The following OSER1 variants were observed in gnomAD, a reference collection of about 807,000 sequenced individuals.
OSER1 encodes the protein oxidative stress-responsive serine-rich protein 1.
A neutral mutation model predicts 26.3 loss-of-function variants in OSER1; 15 were observed. The ratio of observed to expected loss-of-function variants is 0.57; its 90% CI spans 0.38 to 0.88. The LOEUF (loss-of-function observed/expected upper bound fraction) is 0.88, where lower values mean the gene tolerates loss of function less well. Ranked by LOEUF, OSER1 falls within the 40% of genes least tolerant of loss-of-function variation. OSER1 has a pLI of 0.00. For missense variants in OSER1, 313 were observed against 353.9 expected (o/e 0.88, Z 0.93); for synonymous variants, 127 against 128.2 (o/e 0.99, Z 0.07).
intron 2 of OSER1, among the ~76,000 whole-genome samples, chr20:44,205,098 G>A (rs775595923): frequency 1.2e-4 from 19 of 152,162 alleles, no homozygotes; most frequent in Non-Finnish European, 2.4e-4. Context: ...GCCTCCCAAA[G>A]TGCTGGAATT....
At chr20:44,204,999 A>AGCACCACCAT (rs1311618187) in intron 2 of OSER1, among the ~76,000 whole-genome samples, 1 of 151,986 alleles carries the variant, frequency 6.6e-6, no homozygotes, top group African/African-American at 2.4e-5. Flanking sequence ...CACCATGCCT[A>AGCACCACCAT]GCTAATTCTT....
intron 1 of OSER1, among the ~76,000 whole-genome samples, chr20:44,210,324 G>A (rs909437223): frequency 6.6e-6 from 1 of 152,214 alleles, no homozygotes; most frequent in African/African-American, 2.4e-5. Context: ...GAGTGGGGCC[G>A]AAGAGGTAGC....
At chr20:44,208,644 A>G (rs2073064405) in intron 1 of OSER1, among the ~76,000 whole-genome samples, 1 of 152,154 alleles carries the variant, frequency 6.6e-6, no homozygotes, top group African/African-American at 2.4e-5. Flanking sequence ...GGGAGAGGTG[A>G]GCAATCACTT....
intron 3 of OSER1, among the ~76,000 whole-genome samples, chr20:44,199,546 A>G (rs2145922125): frequency 6.6e-6 from 1 of 152,250 alleles, no homozygotes; most frequent in South Asian, 2.1e-4. Flanking sequence ...AGCTTTCTTT[A>G]AGTAAAAAGG....
chr20:44,210,935 T>G (rs2073100597), upstream of OSER1: 1 of 151,794 alleles, frequency 6.6e-6, no homozygotes, highest in African/African-American at 2.4e-5. Context: ...CGGCCGCGCC[T>G]CTCCAACGCC....
At chr20:44,202,360 G>A (rs1450726330) in intron 3 of OSER1, among the ~76,000 whole-genome samples, 2 of 151,708 alleles carry the variant, frequency 1.3e-5, no homozygotes, top group South Asian at 2.1e-4. Flanking sequence ...GTGTGACAGA[G>A]CAAGAACAAG....
chr20:44,209,822 T>C (rs979261654), intron 1 of OSER1, among the ~76,000 whole-genome samples: 3 of 152,156 alleles, frequency 2.0e-5, no homozygotes, highest in East Asian at 1.9e-4. Context: ...TCCAGGCCCC[T>C]GAGAAGACCT....
chr20:44,196,887 T>G lies in OSER1; in HGVS notation c.*165A>C. The G allele has an allele frequency of 1.7e-6, 1 of 588,718 alleles. No individual in the cohort carries two copies. The highest frequency in any genetic ancestry group is 1.9e-5 in the African/African-American group (1 of 53,836). The allele number at this position is 588,718 out of a possible 1,614,324, so 36.5% of individuals were successfully genotyped here. On this transcript the variant is annotated 3_prime_UTR_variant, in exon 4 of 4. Transcript: ENST00000255174. ...GTATGTAAGAACTCAAGAGAGTAAG[T>G]TGAAAGAATGAAGATTAACTGAGAT...
intron 3 of OSER1, among the ~76,000 whole-genome samples, chr20:44,201,411 T>G (rs1029109019): frequency 1.3e-5 from 2 of 152,196 alleles, no homozygotes; most frequent in African/African-American, 4.8e-5. Context: ...TCGGGGGCCC[T>G]TTCAAATGTA....
intron 3 of OSER1, among the ~76,000 whole-genome samples, chr20:44,201,602 T>A (rs959829078): frequency 6.6e-6 from 1 of 152,144 alleles, no homozygotes; most frequent in Non-Finnish European, 1.5e-5. Flanking sequence ...TAAATAATAA[T>A]AAAACCTAGT....
At chr20:44,210,966 A>C (rs909794961), upstream of OSER1, 2 of 152,250 alleles carry the variant, frequency 1.3e-5, no homozygotes, top group Non-Finnish European at 2.9e-5. Flanking sequence ...CCCCCTCAGA[A>C]GCACGTGCGC....
chr20:44,203,099 G>T (rs749996517), intron 2 of OSER1, 25 bp from the exon 3 acceptor site: 1 of 1,287,588 alleles, frequency 7.8e-7, no homozygotes, highest in Non-Finnish European at 1.1e-6. Context: ...AAAGTTTACA[G>T]CTACAAAAAA....
In OSER1 at chr20:44,197,216, G is replaced by C; in HGVS notation, c.715C>G (p.Gln239Glu). 6.2e-7 allele frequency: 1 copy of C among 1,614,238 alleles called. No individual in the cohort carries two copies. The highest frequency in any genetic ancestry group is 1.3e-5 in the African/African-American group (1 of 75,070). ...ERRSTLEDYS[Q>E]SLHARTLSGS... The stretch of plus-strand genomic sequence containing the variant: ...GACAGAGTTCTGGCGTGCAGCGACT[G>C]AGAGTAGTCCTCAAGTGTGGATCTT... Residue 239 changes from glutamine (Q) to glutamate (E), a missense_variant, in exon 4 of 4, where the codon CAG becomes GAG. Coordinates refer to ENST00000255174, the MANE Select transcript of OSER1 (RefSeq NM_016470.8).
At chr20:44,204,808 TA>T (rs912552584) in intron 2 of OSER1, among the ~76,000 whole-genome samples, 53 of 152,278 alleles carry the variant, frequency 3.5e-4, no homozygotes, top group African/African-American at 1.0e-3. Flanking sequence ...ATGTTCCAAG[TA>T]ATTTTTAGGG....
At chr20:44,210,858 G>C (rs1486075538), upstream of OSER1, 2 of 152,096 alleles carry the variant, frequency 1.3e-5, no homozygotes, top group African/African-American at 2.4e-5. Flanking sequence ...CCCTCCCCCT[G>C]CTTATGCTCC....
rs181274676 is a variant in OSER1, at chr20:44,198,436, G to A, written c.192-697C>T. Reference sequence around the variant, plus strand: ...AGATTGAGACCATCCTGGCTAAAGCGGTGAAACCCCGTCTCTACTAAAAAT... The same window carrying A: ...AGATTGAGACCATCCTGGCTAAAGCAGTGAAACCCCGTCTCTACTAAAAAT... On this transcript the variant is annotated intron_variant, in intron 3 of 3. Coordinates refer to ENST00000255174, the MANE Select transcript of OSER1 (RefSeq NM_016470.8). 8.3e-3 allele frequency among the ~76,000 whole-genome samples: 1,256 copies of A among 152,128 alleles called. 21 individuals carry two copies. The highest frequency in any genetic ancestry group is 0.026 in the African/African-American group (1,098 of 41,502).
At chr20:44,211,804 C>G (rs559525293), upstream of OSER1, among the ~76,000 whole-genome samples, 9 of 152,352 alleles carry the variant, frequency 5.9e-5, no homozygotes, top group Admixed American at 5.2e-4. Context: ...AGCTCCACGT[C>G]TGCACTGCTC....
chr20:44,199,342 G>T (rs149234152), intron 3 of OSER1, among the ~76,000 whole-genome samples: 2 of 152,220 alleles, frequency 1.3e-5, no homozygotes, highest in South Asian at 2.1e-4. Flanking sequence ...TATAAAAGCC[G>T]GTTTGGCTAC....
In OSER1 at chr20:44,197,406, T is replaced by A; in HGVS notation, c.525A>T (p.Ala175=). 1 of 1,614,216 alleles carries A rather than the reference T, an allele frequency of 6.2e-7. No individual in the cohort carries two copies. Among genetic ancestry groups the A allele is most frequent in the Non-Finnish European group, 8.5e-7 (1 of 1,180,004 alleles). ...DSSDATQVPQ[A]SLKASDLSDF... is the part of the protein sequence containing the mutation. ...CAGAGAGATCACTGGCTTTGAGACT[T>A]GCTTGGGGGACTTGGGTAGCGTCAG... The change falls in exon 4 of 4, where the codon GCA becomes GCT. Residue 175 remains alanine (A), a synonymous_variant. Coordinates refer to ENST00000255174, the MANE Select transcript of OSER1 (RefSeq NM_016470.8).
Sources: gnomAD v4.1 joint callset for allele counts (sites outside exome capture counted in the v4.1 genomes callset) on GRCh38, gnomAD v4.1.1 for gene constraint, MANE v1.5 for transcripts, NCBI Gene and HGNC (gene_info 2026-07-23, HGNC 2026-07-21) for gene names.